The following SOX5 variants were observed in gnomAD, a reference collection of about 807,000 sequenced individuals.
SOX5 encodes the protein transcription factor SOX-5.
Under a neutral mutation model 92.0 loss-of-function variants are expected in SOX5, and 9 were observed. The ratio of observed to expected loss-of-function variants is 0.10; its 90% CI spans 0.06 to 0.17. The LOEUF (loss-of-function observed/expected upper bound fraction) is 0.17, where lower values mean the gene tolerates loss of function less well. SOX5 is among the 10% of genes least tolerant of loss of function. SOX5 has a pLI of 1.00. For synonymous variants in SOX5, 344 were observed against 336.3 expected (o/e 1.02, Z -0.25); for missense variants, 642 against 944.5 (o/e 0.68, Z 4.20).
At chr12:23,661,614 A>G (rs553030524) in intron 7 of SOX5, among the ~76,000 whole-genome samples, 127 of 152,312 alleles carry the variant, frequency 8.3e-4, no homozygotes, top group Middle Eastern at 3.4e-3. Flanking sequence ...AAACTGTTCT[A>G]CAGGTGTCAA....
In SOX5 at chr12:23,823,221, T is replaced by C. The variant is rs1181817607; in HGVS notation, c.481+22762A>G. ...GTTTCTTCATAGTGTTGAAGATCTTTACATTTTGGTTTGTTTTTGCAGTGG... is the reference window on the plus strand; with the variant it reads ...GTTTCTTCATAGTGTTGAAGATCTTCACATTTTGGTTTGTTTTTGCAGTGG... On this transcript the variant is annotated intron_variant, in intron 3 of 14. Coordinates refer to ENST00000451604, the MANE Select transcript of SOX5 (RefSeq NM_006940.6). Among the ~76,000 whole-genome samples the C allele has an allele frequency of 3.9e-5, 6 of 152,334 alleles. No individual in the cohort carries two copies. In the East Asian group the frequency reaches 1.2e-3, roughly 29 times the overall value.
At chr12:24,156,996 C>T (rs879643387) in intron 4 of SOX5, among the ~76,000 whole-genome samples, 3 of 152,102 alleles carry the variant, frequency 2.0e-5, no homozygotes, top group Admixed American at 6.6e-5. Context: ...ATGATGATTA[C>T]AACTTATTTC....
At chr12:23,985,222 T>C (rs1949951299) in intron 4 of SOX5, among the ~76,000 whole-genome samples, 3 of 140,164 alleles carry the variant, frequency 2.1e-5, no homozygotes, top group Non-Finnish European at 3.1e-5. Context: ...GTTTTTATTG[T>C]ATTTTTTTAT....
At chr12:23,947,542 T>C (rs138728799) in intron 1 of SOX5, among the ~76,000 whole-genome samples, 1 of 152,060 alleles carries the variant, frequency 6.6e-6, no homozygotes, top group Non-Finnish European at 1.5e-5. Context: ...TATTACCAAT[T>C]ACAACCACAG....
chr12:23,684,868 T>G (rs2087240724), intron 6 of SOX5, among the ~76,000 whole-genome samples: 1 of 152,152 alleles, frequency 6.6e-6, no homozygotes, highest in East Asian at 1.9e-4. Flanking sequence ...GCATTTACCA[T>G]AAGCATGGCT....
intron 6 of SOX5, among the ~76,000 whole-genome samples, chr12:23,682,853 T>C (rs1375225798): frequency 6.6e-6 from 1 of 151,836 alleles, no homozygotes; most frequent in Non-Finnish European, 1.5e-5. Context: ...TGACTCCATC[T>C]TGTAAAATAA....
At chr12:23,697,367 T>TTA (rs1405706091) in intron 6 of SOX5, among the ~76,000 whole-genome samples, 1 of 152,194 alleles carries the variant, frequency 6.6e-6, no homozygotes, top group Non-Finnish European at 1.5e-5. Flanking sequence ...TTTGACACTT[T>TTA]TATAGCTATT....
intron 3 of SOX5, among the ~76,000 whole-genome samples, chr12:23,804,311 G>GA (rs1308624568): frequency 3.3e-5 from 5 of 152,028 alleles, no homozygotes; most frequent in Non-Finnish European, 7.4e-5. Flanking sequence ...CATTTAAATA[G>GA]AAAAAAATCC....
chr12:24,168,882 G>A (rs1342200957), intron 4 of SOX5, among the ~76,000 whole-genome samples: 1 of 152,004 alleles, frequency 6.6e-6, no homozygotes, highest in East Asian at 1.9e-4. Context: ...ATGCAAATGT[G>A]TCCATATAGA....
intron 7 of SOX5, 79 bp from the exon 8 acceptor site, chr12:23,640,976 T>A (rs2079979856): frequency 1.1e-6 from 1 of 945,378 alleles, no homozygotes. Flanking sequence ...ATTCACTCTT[T>A]CCAAAAGCCT....
At chr12:24,402,316 T>C (rs977384169) in intron 1 of SOX5, among the ~76,000 whole-genome samples, 9 of 152,160 alleles carry the variant, frequency 5.9e-5, no homozygotes, top group Non-Finnish European at 1.3e-4. Flanking sequence ...TCCAGAAATA[T>C]GAAAACACAC....
At chr12:23,788,159 A>G (rs115725116) in intron 3 of SOX5, among the ~76,000 whole-genome samples, 1,533 of 152,082 alleles carry the variant, frequency 0.01, 30 homozygotes, top group African/African-American at 0.036. Context: ...ACAGAAAGAC[A>G]AAGTTCAAAA....
At chr12:23,556,522 C>A (rs543361068) in intron 11 of SOX5, among the ~76,000 whole-genome samples, 1 of 152,264 alleles carries the variant, frequency 6.6e-6, no homozygotes, top group South Asian at 2.1e-4. Flanking sequence ...TTTTTAAAAA[C>A]ACACACACCC....
intron 4 of SOX5, among the ~76,000 whole-genome samples, chr12:23,749,249 A>G (rs1329418089): frequency 6.6e-6 from 1 of 151,954 alleles, no homozygotes; most frequent in East Asian, 1.9e-4. Flanking sequence ...ACTGCAATAT[A>G]GATACCCGTC....
intron 5 of SOX5, 89 bp downstream of exon 5, chr12:23,740,778 T>C: frequency 1.8e-6 from 2 of 1,082,804 alleles, no homozygotes; most frequent in South Asian, 2.1e-5. Flanking sequence ...GGGACTCTTA[T>C]TCATTGTTGT....
chr12:23,921,433 T>C (rs1355975266), intron 1 of SOX5, among the ~76,000 whole-genome samples: 3 of 152,106 alleles, frequency 2.0e-5, no homozygotes, highest in African/African-American at 4.8e-5. Flanking sequence ...CATTTTCATA[T>C]TGCACAGCAG....
chr12:24,118,229 T>A (rs1593320876), intron 4 of SOX5, among the ~76,000 whole-genome samples: 1 of 152,042 alleles, frequency 6.6e-6, no homozygotes, highest in Non-Finnish European at 1.5e-5. Flanking sequence ...TATTTCCAAA[T>A]TGCTAAAAGA....
intron 2 of SOX5, among the ~76,000 whole-genome samples, chr12:24,352,684 C>A (rs1169747050): frequency 6.6e-6 from 1 of 152,102 alleles, no homozygotes; most frequent in Non-Finnish European, 1.5e-5. Flanking sequence ...ATCTTCTGTC[C>A]TCTTATTACA....
chr12:23,793,270 A>G (rs4520683), intron 3 of SOX5, among the ~76,000 whole-genome samples: 93,703 of 152,052 alleles, frequency 0.62, 29,036 homozygotes, highest in East Asian at 0.85. Context: ...AGTGTAAGCC[A>G]TTTATTTAAC....
Sources: gnomAD v4.1 joint callset for allele counts (sites outside exome capture counted in the v4.1 genomes callset) on GRCh38, gnomAD v4.1.1 for gene constraint, MANE v1.5 for transcripts, NCBI Gene and HGNC (gene_info 2026-07-23, HGNC 2026-07-21) for gene names.